The following ANK2 variants were observed in gnomAD, a reference collection of about 807,000 sequenced individuals.
The protein encoded by ANK2 is ankyrin-2.
Under a neutral mutation model 360.5 loss-of-function variants are expected in ANK2, and 83 were observed. The observed-to-expected ratio is 0.23, with a 90% CI of 0.19 to 0.28. The LOEUF (loss-of-function observed/expected upper bound fraction) is 0.28. ANK2 is among the 10% of genes least tolerant of loss of function. ANK2 has a pLI of 1.00. For synonymous variants in ANK2, 1,740 were observed against 1,759.5 expected, an observed-to-expected ratio of 0.99 and a Z score of 0.28; for missense variants, 4,201 against 4,795.7, an observed-to-expected ratio of 0.88 and a Z score of 3.66.
At chr4:113,292,991 A>G (rs1050712208) in intron 21 of ANK2, 8 of 356,276 alleles carry the variant, frequency 2.2e-5, no homozygotes, top group Admixed American at 1.9e-4. Flanking sequence ...ATTTTGCTGC[A>G]CAGTGAGCTT....
At chr4:112,901,985 A>G (rs575911439) in intron 1 of ANK2, among the ~76,000 whole-genome samples, 2 of 152,214 alleles carry the variant, frequency 1.3e-5, no homozygotes, top group Admixed American at 6.5e-5. Context: ...GAAGGCAGCC[A>G]GGAAAGTGCA....
At chr4:112,777,610 T>A in the ANK2 span, among the ~76,000 whole-genome samples, 1 of 145,198 alleles carries the variant, frequency 6.9e-6, no homozygotes, top group Non-Finnish European at 1.5e-5. Flanking sequence ...AAAAAATACA[T>A]CTATAATCTT....
At chr4:112,824,914 T>TA (rs147850424) in intron 1 of ANK2, among the ~76,000 whole-genome samples, 6,542 of 152,190 alleles carry the variant, frequency 0.043, 304 homozygotes, top group East Asian at 0.18. Context: ...GATGATTTGG[T>TA]AAAAAAACCA....
chr4:112,958,421 A>G (rs535893495), intron 2 of ANK2, among the ~76,000 whole-genome samples: 7,077 of 151,854 alleles, frequency 0.047, 540 homozygotes, highest in African/African-American at 0.16. Context: ...GCGAAACCCC[A>G]TCTCCACCAA....
chr4:112,829,966 TAAAAATA>T (rs1362402893), intron 1 of ANK2, among the ~76,000 whole-genome samples: 2 of 142,174 alleles, frequency 1.4e-5, no homozygotes, highest in Non-Finnish European at 3.1e-5. Flanking sequence ...CTCAAAAAAA[TAAAAATA>T]AAAAATAAAA....
At chr4:113,349,580 A>T (rs2095259804) in intron 36 of ANK2, among the ~76,000 whole-genome samples, 1 of 152,188 alleles carries the variant, frequency 6.6e-6, no homozygotes, top group African/African-American at 2.4e-5. Context: ...GACTGAAGTC[A>T]TTCTTTCCCT....
intron 2 of ANK2, among the ~76,000 whole-genome samples, chr4:112,952,213 T>G (rs1213023823): frequency 2.0e-5 from 3 of 152,228 alleles, no homozygotes; most frequent in Non-Finnish European, 2.9e-5. Flanking sequence ...ATTTTCACTT[T>G]GCATATGTGA....
chr4:112,885,799 A>G (rs2078191203), intron 1 of ANK2, among the ~76,000 whole-genome samples: 2 of 146,996 alleles, frequency 1.4e-5, no homozygotes, highest in Non-Finnish European at 1.5e-5. Context: ...TCTGTCTCAA[A>G]AAAAAAAAAA....
chr4:113,196,393 C>T lies in ANK2; in HGVS notation c.212C>T (p.Ala71Val). ...AATGGACTCAACGCTCTCCATCTGG[C>T]TGCCAAGGAAGGCCACGTGGGGCTG... Reference protein sequence around the residue: ...NQNGLNALHLAAKEGHVGLVQ... With the variant: ...NQNGLNALHLVAKEGHVGLVQ... Residue 71 changes from alanine to valine, a missense_variant, in exon 3 of 46, where the codon GCT (alanine) becomes GTT (valine). By Grantham distance (64) the Ala-to-Val change is moderately conservative. Transcript: ENST00000357077. The T allele has an allele frequency of 1.9e-6, 3 of 1,613,846 alleles. No homozygotes were observed. Among genetic ancestry groups the T allele is most frequent in the Non-Finnish European group, 2.5e-6 (3 of 1,179,964 alleles).
intron 10 of ANK2, among the ~76,000 whole-genome samples, chr4:113,254,610 G>T (rs750267088): frequency 6.6e-6 from 1 of 152,114 alleles, no homozygotes; most frequent in Non-Finnish European, 1.5e-5. Context: ...TTCTAAACAT[G>T]AAAGTAATAA....
chr4:113,080,013 C>T (rs1323818066), intron 1 of ANK2, among the ~76,000 whole-genome samples: 2 of 151,740 alleles, frequency 1.3e-5, no homozygotes, highest in Non-Finnish European at 2.9e-5. Flanking sequence ...ATTCTTCTGC[C>T]TCAGTTACCC....
intron 1 of ANK2, among the ~76,000 whole-genome samples, chr4:113,076,993 AAAAGAAGGAAGGAAGG>A (rs1158625321): frequency 2.0e-5 from 3 of 151,732 alleles, no homozygotes; most frequent in African/African-American, 4.8e-5. Flanking sequence ...AAAGAAAGGA[AAAAGAAGGAAGGAAGG>A]AAAGAAGGAA....
At chr4:113,257,685 G>T (rs111984390) in intron 11 of ANK2, among the ~76,000 whole-genome samples, 2 of 152,176 alleles carry the variant, frequency 1.3e-5, no homozygotes, top group African/African-American at 4.8e-5. Flanking sequence ...CTTATCTTCA[G>T]TTCATCTTCA....
intron 2 of ANK2, among the ~76,000 whole-genome samples, chr4:113,024,254 A>C (rs1210423258): frequency 6.6e-6 from 1 of 152,190 alleles, no homozygotes; most frequent in Admixed American, 6.5e-5. Flanking sequence ...TTAATAAAGA[A>C]TAAAATATGT....
chr4:113,189,685 C>A (rs1216151025), intron 2 of ANK2, among the ~76,000 whole-genome samples: 1 of 152,160 alleles, frequency 6.6e-6, no homozygotes, highest in Non-Finnish European at 1.5e-5. Flanking sequence ...TAGTTCTAGC[C>A]TCCCTTTTTG....
At chr4:113,071,400 C>G (rs2077496007) in intron 1 of ANK2, among the ~76,000 whole-genome samples, 2 of 152,190 alleles carry the variant, frequency 1.3e-5, no homozygotes, top group Admixed American at 1.3e-4. Flanking sequence ...TAGTTCTCTA[C>G]TCAGACCAAG....
chr4:113,223,808 C>T (rs769841428), intron 4 of ANK2, among the ~76,000 whole-genome samples: 1 of 152,132 alleles, frequency 6.6e-6, no homozygotes, highest in Non-Finnish European at 1.5e-5. Context: ...TCATCACAGT[C>T]ACTGTGGAGT....
chr4:113,001,630 C>G (rs72894481), intron 2 of ANK2, among the ~76,000 whole-genome samples: 3,313 of 152,188 alleles, frequency 0.022, 118 homozygotes, highest in African/African-American at 0.076. Flanking sequence ...GAATTTGACC[C>G]TGCTTTGGAT....
At chr4:113,237,764 A>G in intron 7 of ANK2, 142 bp downstream of exon 7, 2 of 753,070 alleles carry the variant, frequency 2.7e-6, no homozygotes, top group Non-Finnish European at 4.7e-6. Context: ...CCCATAATGA[A>G]GGCAAACTGA....
Sources: gnomAD v4.1 joint callset for allele counts (sites outside exome capture counted in the v4.1 genomes callset) on GRCh38, gnomAD v4.1.1 for gene constraint, MANE v1.5 for transcripts, NCBI Gene and HGNC (gene_info 2026-07-23, HGNC 2026-07-21) for gene names.